The following LSAMP variants were observed in gnomAD, a reference collection of about 807,000 sequenced individuals.
LSAMP encodes the protein limbic system associated membrane protein, also known as limbic system-associated membrane protein.
A neutral mutation model predicts 38.6 loss-of-function variants in LSAMP; 7 were observed. The observed-to-expected ratio is 0.18, with a 90% confidence interval of 0.10 to 0.34. LSAMP has a LOEUF of 0.34. Ranked by LOEUF, LSAMP falls within the 10% of genes least tolerant of loss-of-function variation. LSAMP has a pLI of 1.00. For synonymous variants in LSAMP, 154 were observed against 166.8 expected (o/e 0.92, Z 0.59); for missense variants, 313 against 420.0 (o/e 0.75, Z 2.23).
chr3:116,116,153 C>T (rs1272696315), intron 1 of LSAMP, among the ~76,000 whole-genome samples: 1 of 139,994 alleles, frequency 7.1e-6, no homozygotes, highest in Non-Finnish European at 1.5e-5. Context: ...GAGACATTTT[C>T]TCAGCTTTTA....
intron 3 of LSAMP, among the ~76,000 whole-genome samples, chr3:116,011,856 T>C (rs1015538737): frequency 5.3e-5 from 8 of 152,234 alleles, no homozygotes; most frequent in Non-Finnish European, 1.0e-4. Flanking sequence ...ACTTTTCCTC[T>C]GGCCCCTTTG....
At position 116,221,844 on chromosome 3, in the gene LSAMP, AGT is replaced by A. The variant is rs58596077; in HGVS notation, c.156-135290_156-135289del. Among the ~76,000 whole-genome samples, 871 of 145,458 alleles carry A rather than the reference AGT, an allele frequency of 6.0e-3. 5 individuals carry two copies. Among genetic ancestry groups the A allele is most frequent in the African/African-American group, 0.019 (761 of 39,278 alleles). Reference sequence around the variant, plus strand: ...AACATTCTGCGTGATCCTAAAAAGAAGTGTGTGTGTGTGTGTGTGTGTGTGTG... The same window carrying A: ...AACATTCTGCGTGATCCTAAAAAGAAGTGTGTGTGTGTGTGTGTGTGTGTG... On this transcript the variant is annotated intron_variant, in intron 1 of 6. Transcript: ENST00000490035.
intron 3 of LSAMP, among the ~76,000 whole-genome samples, chr3:116,011,710 G>A (rs1375826681): frequency 2.0e-5 from 3 of 151,500 alleles, no homozygotes; most frequent in Admixed American, 6.6e-5. Context: ...GAATGAATTA[G>A]TAGTTTCCAA....
intron 1 of LSAMP, among the ~76,000 whole-genome samples, chr3:116,270,897 C>T (rs1024777825): frequency 6.6e-6 from 1 of 152,110 alleles, no homozygotes; most frequent in African/African-American, 2.4e-5. Context: ...CTGTGTTAGT[C>T]ACTAGCTCTG....
intron 1 of LSAMP, among the ~76,000 whole-genome samples, chr3:116,207,407 T>C (rs1335755980): frequency 1.3e-5 from 2 of 151,778 alleles, no homozygotes; most frequent in African/African-American, 4.8e-5. Context: ...CATTTACATT[T>C]AAAGTTAATA....
chr3:116,106,735 G>A (rs767763189), intron 1 of LSAMP, among the ~76,000 whole-genome samples: 5 of 152,226 alleles, frequency 3.3e-5, no homozygotes, highest in Admixed American at 1.3e-4. Context: ...TTCTCAGACC[G>A]TGTAGGAAAG....
At chr3:115,984,258 G>C (rs754015355) in intron 3 of LSAMP, among the ~76,000 whole-genome samples, 25 of 152,060 alleles carry the variant, frequency 1.6e-4, no homozygotes, top group Non-Finnish European at 3.1e-4. Context: ...GGATATGAAT[G>C]GGAAACATGA....
intron 3 of LSAMP, among the ~76,000 whole-genome samples, chr3:115,887,089 C>T (rs1458978404): frequency 1.3e-5 from 2 of 151,874 alleles, no homozygotes; most frequent in Non-Finnish European, 2.9e-5. Flanking sequence ...TTTCTTTGAA[C>T]CCCCTTGACC....
At chr3:116,335,317 C>T (rs1248464130) in intron 1 of LSAMP, among the ~76,000 whole-genome samples, 1 of 151,924 alleles carries the variant, frequency 6.6e-6, no homozygotes, top group Non-Finnish European at 1.5e-5. Context: ...GAATGCCATC[C>T]CTATCAAAAT....
chr3:115,895,817 G>C (rs1293046199), intron 3 of LSAMP, among the ~76,000 whole-genome samples: 1 of 151,968 alleles, frequency 6.6e-6, no homozygotes, highest in Non-Finnish European at 1.5e-5. Flanking sequence ...TTGTTGAGGG[G>C]TTACCTCTTT....
chr3:116,123,223 A>G (rs1384465988), intron 1 of LSAMP, among the ~76,000 whole-genome samples: 1 of 152,206 alleles, frequency 6.6e-6, no homozygotes. Context: ...CTGCCTTCTC[A>G]TCTGGGTATG....
At chr3:116,041,972 T>C (rs1033820848) in intron 2 of LSAMP, among the ~76,000 whole-genome samples, 31 of 152,172 alleles carry the variant, frequency 2.0e-4, no homozygotes, top group African/African-American at 7.5e-4. Context: ...CTATGCTACT[T>C]ATTTTTCCTT....
chr3:115,890,698 AG>A (rs1936576965), intron 3 of LSAMP, among the ~76,000 whole-genome samples: 2 of 151,948 alleles, frequency 1.3e-5, no homozygotes, highest in South Asian at 4.1e-4. Flanking sequence ...CCTCAGTAAA[AG>A]ATGTAGCCAG....
intron 2 of LSAMP, among the ~76,000 whole-genome samples, chr3:116,041,607 A>G (rs1941171663): frequency 6.6e-6 from 1 of 151,718 alleles, no homozygotes. Flanking sequence ...ATTGATTTCA[A>G]ACATTGATCG....
chr3:116,188,490 A>T (rs1710676696), intron 1 of LSAMP, among the ~76,000 whole-genome samples: 1 of 152,074 alleles, frequency 6.6e-6, no homozygotes, highest in African/African-American at 2.4e-5. Context: ...GCTGCTTTTC[A>T]TTGGCAGCTG....
intron 1 of LSAMP, among the ~76,000 whole-genome samples, chr3:116,165,809 A>G (rs1710037141): frequency 6.6e-6 from 1 of 152,124 alleles, no homozygotes; most frequent in Admixed American, 6.5e-5. Flanking sequence ...AGGGGCCTGC[A>G]TGGCTGAGCC....
chr3:116,127,450 C>T (rs764554688), intron 1 of LSAMP, among the ~76,000 whole-genome samples: 1 of 151,958 alleles, frequency 6.6e-6, no homozygotes, highest in Non-Finnish European at 1.5e-5. Context: ...GCAAGAATAC[C>T]CAACAGGTGA....
intron 3 of LSAMP, among the ~76,000 whole-genome samples, chr3:115,906,796 G>T (rs145053798): frequency 2.0e-5 from 3 of 152,152 alleles, no homozygotes; most frequent in Admixed American, 6.5e-5. Context: ...GAGAGCTCAG[G>T]GAAAAGATGT....
At chr3:115,918,467 G>A (rs1286944357) in intron 3 of LSAMP, among the ~76,000 whole-genome samples, 1 of 152,142 alleles carries the variant, frequency 6.6e-6, no homozygotes, top group Non-Finnish European at 1.5e-5. Context: ...TAAATTTTGA[G>A]GTGGGAGAAG....
Sources: allele counts gnomAD v4.1 joint callset (sites outside exome capture counted in the v4.1 genomes callset), GRCh38; gene constraint gnomAD v4.1.1; transcripts MANE v1.5; gene names NCBI Gene and HGNC (gene_info 2026-07-23, HGNC 2026-07-21).